Variants in KMT2D observed in about 807,000 individuals in gnomAD.
KMT2D encodes the protein histone-lysine N-methyltransferase 2D.
KMT2D carries 55 observed loss-of-function variants against 512.7 expected under a neutral mutation model. That is an observed-to-expected ratio of 0.11 (90% confidence interval 0.09 to 0.13). The LOEUF is 0.13. KMT2D is among the 10% of genes least tolerant of loss of function. KMT2D has a pLI of 1.00. For missense variants in KMT2D, 6,061 were observed against 7,127.9 expected, an observed-to-expected ratio of 0.85 and a Z score of 5.39; for synonymous variants, 2,995 against 2,904.0, an observed-to-expected ratio of 1.03 and a Z score of -1.01.
rs768388626 is a variant in KMT2D at position 49,019,196 on chromosome 12, G to A, written c.*2584C>T. On this transcript the variant is annotated 3_prime_UTR_variant, in exon 55 of 55. Coordinates refer to ENST00000301067, the MANE Select transcript of KMT2D (RefSeq NM_003482.4). ...GTTGTTACGAAGGACCAACCTTGCT[G>A]TACAGGATACACACAACACAAAATA... 1.0e-5 allele frequency: 11 copies of A among 1,071,112 alleles called. No individual in the cohort carries two copies. The highest frequency in any genetic ancestry group is 1.3e-5 in the Non-Finnish European group (11 of 869,130). The allele number at this position is 1,071,112 out of a possible 1,614,324, so 66.4% of individuals were successfully genotyped here.
chr12:49,030,307 C>T lies in KMT2D; in HGVS notation c.13972G>A (p.Ala4658Thr), dbSNP rs1268771491. ...LGEHPKDAAS[A>T]RDSERALRDT... ...CTCAGTGCCCTTTCACTATCCCGGG[C>T]AGAGGCAGCATCCTTGGGGTGCTCC... Residue 4658 changes from alanine (A) to threonine (T), a missense_variant, in exon 43 of 55, where the codon GCC becomes ACC. Ala to Thr is a moderately conservative substitution (Grantham distance 58, BLOSUM62 0). This residue lies in a region of KMT2D where 1,600 missense variants were observed against 1,754.9 expected (regional missense o/e 0.91). Coordinates refer to ENST00000301067, the MANE Select transcript of KMT2D (RefSeq NM_003482.4). 1 of 1,603,164 alleles carries T rather than the reference C, an allele frequency of 6.2e-7. No homozygotes were observed.
Position 49,051,711 on chromosome 12 carries a change from C to T in KMT2D, c.1972G>A (p.Val658Met), listed in dbSNP as rs2120675153. ...PEVSRLSPLP[V>M]VSRLSPPPEE... ...GGCGGTGGAGACAGGCGTGACACCA[C>T]AGGCAGGGGGGATAGGCGCGATACC... Residue 658 changes from valine (V) to methionine (M), a missense_variant, in exon 11 of 55, where the codon GTG becomes ATG. Physicochemically the swap from Val to Met is conservative, Grantham distance 21. Around this residue, in one of 16 missense-constraint regions of KMT2D, gnomAD observed 848 missense variants for 838.5 expected, o/e 1.01. Coordinates refer to ENST00000301067, the MANE Select transcript of KMT2D (RefSeq NM_003482.4). The T allele has an allele frequency of 6.3e-7, 1 of 1,579,858 alleles. No individual in the cohort carries two copies. The highest frequency in any genetic ancestry group is 8.6e-7 in the Non-Finnish European group (1 of 1,161,740).
At position 49,033,260 on chromosome 12, in the gene KMT2D, A is replaced by C; in HGVS notation, c.11445T>G (p.Pro3815=). ...GAGGGCCCTGGGGGCCCAAAGCTCC[A>C]GGGTGCTGCTGCTGCAACACAGCCA... ...AQVAVLQQQH[P]GALGPQGPHR... Residue 3815 remains proline, a synonymous_variant, in exon 40 of 55, where the codon CCT becomes CCG. Transcript: ENST00000301067. 1 of 1,560,150 alleles carries C rather than the reference A, an allele frequency of 6.4e-7. No homozygotes were observed. The highest frequency in any genetic ancestry group is 1.2e-5 in the South Asian group (1 of 84,584).
chr12:49,058,270 G>A (rs752589843), intron 1 of KMT2D, among the ~76,000 whole-genome samples: 3 of 152,276 alleles, frequency 2.0e-5, no homozygotes, highest in South Asian at 2.1e-4. Context: ...AAGTTGTTTC[G>A]GGACAAACGG....
In KMT2D at chr12:49,030,264, T is replaced by C; in HGVS notation, c.13999+16A>G. On this transcript the variant is annotated intron_variant, in intron 43 of 54. Coordinates refer to ENST00000301067, the MANE Select transcript of KMT2D (RefSeq NM_003482.4). ...CTACCAAACTCCACCAGGGGTGGCA[T>C]CTGCTCTTGACTTACCCCTCAGTGC... 6.3e-7 allele frequency: 1 copy of C among 1,587,306 alleles called. No individual in the cohort carries two copies. Among genetic ancestry groups the C allele is most frequent in the South Asian group, 1.1e-5 (1 of 87,656 alleles).
At position 49,024,700 on chromosome 12, in the gene KMT2D, C is replaced by T. The variant is rs1942488436; in HGVS notation, c.15930G>A (p.Gly5310=). The change falls in exon 51 of 55, where the codon GGG becomes GGA. Residue 5310 remains glycine, a synonymous_variant. Transcript: ENST00000301067. The surrounding 1 kb of genome is among the most constrained non-coding windows in gnomAD (Gnocchi z 4.5). ...ATAAATAGTTTTGACAGCTCTCCAC[C>T]CCGGGCAGCTGTGGGCACAGTTCAT... ...AVLRIAESLP[G]VESCQNYLFR... is the part of the protein sequence containing the mutation. The T allele has an allele frequency of 6.2e-7, 1 of 1,613,550 alleles. No individual in the cohort carries two copies. The highest frequency in any genetic ancestry group is 8.5e-7 in the Non-Finnish European group (1 of 1,179,664).
rs2120511513 is a variant in KMT2D, at chr12:49,039,456, C to T, written c.8208G>A (p.Gln2736=). Residue 2736 remains glutamine (Q), a synonymous_variant, in exon 33 of 55, where the codon CAG becomes CAA. Coordinates refer to ENST00000301067, the MANE Select transcript of KMT2D (RefSeq NM_003482.4). This position sits in a 1 kb window ranked among gnomAD's most constrained non-coding sequence, Gnocchi z 5.0. The stretch of plus-strand genomic sequence containing the variant: ...CTACCTGTGTCCCAGCAAAGGGGGT[C>T]TGGCCTCGACTCAGCTGCTCAAAGG... ...SPAFEQLSRG[Q]TPFAGTQDKS... is the part of the protein sequence containing the mutation. 2 of 1,601,488 alleles carry T rather than the reference C, an allele frequency of 1.2e-6. No homozygotes were observed. The highest frequency in any genetic ancestry group is 1.7e-6 in the Non-Finnish European group (2 of 1,172,394).
rs771212750 is a variant in KMT2D, at chr12:49,033,401, A to G, written c.11304T>C (p.Ala3768=). The change falls in exon 40 of 55, where the codon GCT becomes GCC. Residue 3768 remains alanine, a synonymous_variant. Coordinates refer to ENST00000301067, the MANE Select transcript of KMT2D (RefSeq NM_003482.4). The part of the protein sequence containing the change: ...QQGPGVQTNQ[A]LGPKPQGLMP... ...TAAGGCCCTGGGGCTTGGGACCCAGAGCTTGGTTTGTCTGTACTCCAGGAC... is the reference window on the plus strand; with the variant it reads ...TAAGGCCCTGGGGCTTGGGACCCAGGGCTTGGTTTGTCTGTACTCCAGGAC... 5.7e-6 allele frequency: 9 copies of G among 1,572,568 alleles called. No homozygotes were observed. Among genetic ancestry groups the G allele is most frequent in the South Asian group, 1.2e-5 (1 of 86,808 alleles).
At position 49,024,738 on chromosome 12, in the gene KMT2D, C is replaced by T. The variant is rs772015730; in HGVS notation, c.15922-30G>A. The T allele has an allele frequency of 1.9e-5, 30 of 1,609,902 alleles. No homozygotes were observed. In the South Asian group the frequency reaches 3.3e-4, roughly 18 times the overall value. ...GGGCACAGTTCATACTCACCTTAGCCTGAGTTTTTTTGGGGTTAGGCCAAA... is the reference window on the plus strand; with the variant it reads ...GGGCACAGTTCATACTCACCTTAGCTTGAGTTTTTTTGGGGTTAGGCCAAA... On this transcript the variant is annotated intron_variant, in intron 50 of 54. Transcript: ENST00000301067. The surrounding 1 kb of genome is among the most constrained non-coding windows in gnomAD (Gnocchi z 4.5).
Position 49,042,977 on chromosome 12 carries a change from C to T in KMT2D, c.5644+99G>A, listed in dbSNP as rs551644736. Reference sequence around the variant, plus strand: ...TGGCCAGGAACAGTCCAGGACTCCCCACCAGAGAAGCTGTACAGATCACAG... The same window carrying T: ...TGGCCAGGAACAGTCCAGGACTCCCTACCAGAGAAGCTGTACAGATCACAG... On this transcript the variant is annotated intron_variant, in intron 26 of 54. Coordinates refer to ENST00000301067, the MANE Select transcript of KMT2D (RefSeq NM_003482.4). The surrounding 1 kb of genome is among the most constrained non-coding windows in gnomAD (Gnocchi z 4.4). 2 of 1,570,224 alleles carry T rather than the reference C, an allele frequency of 1.3e-6. No homozygotes were observed. Among genetic ancestry groups the T allele is most frequent in the African/African-American group, 2.7e-5 (2 of 73,886 alleles).
Position 49,032,825 on chromosome 12 carries a change from TTGCTGTTGCTGTTGTAGC to T in KMT2D, c.11862_11879del (p.Leu3955_Gln3960del), listed in dbSNP as rs769825116. On this transcript the variant is annotated inframe_deletion, in exon 40 of 55. Coordinates refer to ENST00000301067, the MANE Select transcript of KMT2D (RefSeq NM_003482.4). The stretch of plus-strand genomic sequence containing the variant: ...GCTGTTGAAACTGCTGCTGTTGTTG[TTGCTGTTGCTGTTGTAGC>T]TGCTGTTGCTGCTGTTGAAGCTGTT... 3.9e-6 allele frequency: 6 copies of T among 1,550,678 alleles called. No homozygotes were observed. Among genetic ancestry groups the T allele is most frequent in the South Asian group, 1.2e-5 (1 of 84,006 alleles).
Position 49,039,230 on chromosome 12 carries a change from C to T in KMT2D, c.8358G>A (p.Val2786=), listed in dbSNP as rs762439535. The T allele has an allele frequency of 6.2e-7, 1 of 1,613,798 alleles. No homozygotes were observed. The highest frequency in any genetic ancestry group is 1.7e-5 in the Admixed American group (1 of 60,030). Residue 2786 remains valine (V), a synonymous_variant, in exon 34 of 55, where the codon GTG becomes GTA. Coordinates refer to ENST00000301067, the MANE Select transcript of KMT2D (RefSeq NM_003482.4). This position sits in a 1 kb window ranked among gnomAD's most constrained non-coding sequence, Gnocchi z 5.0. ...PPPATPSSMD[V]NSRQLVGGSQ... ...ACCTCCTGGAGCCTCACCGGCTGTT[C>T]ACATCCATAGAGGAAGGCGTGGCTG...
Position 49,031,603 on chromosome 12 carries a change from T to C in KMT2D, c.13102A>G (p.Thr4368Ala), listed in dbSNP as rs189357192. The C allele has an allele frequency of 4.5e-4, 714 of 1,599,362 alleles. No homozygotes were observed. In the African/African-American group the frequency reaches 8.4e-3, roughly 19 times the overall value. ...GGTCCCAGACCCTTGCTAAACAAGG[T>C]ATCTGCAAGCTGGGCAGCAGCAGGT... is the stretch of plus-strand genomic sequence containing the variant. ...VSPAAAQLAD[T>A]LFSKGLGPWD... Residue 4368 changes from threonine (T) to alanine (A), a missense_variant, in exon 40 of 55, where the codon ACC becomes GCC. Physicochemically the swap from Thr to Ala is moderately conservative, Grantham distance 58 (BLOSUM62 0). Around this residue, in one of 16 missense-constraint regions of KMT2D, gnomAD observed 1,600 missense variants for 1,754.9 expected, o/e 0.91. Transcript: ENST00000301067.
rs777903880 is a variant in KMT2D at position 49,040,962 on chromosome 12, C to G, written c.6808G>C (p.Glu2270Gln). The G allele has an allele frequency of 6.2e-7, 1 of 1,610,558 alleles. No individual in the cohort carries two copies. Among genetic ancestry groups the G allele is most frequent in the Non-Finnish European group, 8.5e-7 (1 of 1,178,062 alleles). The change falls in exon 32 of 55, where the codon GAG becomes CAG. Residue 2270 changes from glutamate (E) to glutamine (Q), a missense_variant. By Grantham distance (29) the Glu-to-Gln change is conservative. Coordinates refer to ENST00000301067, the MANE Select transcript of KMT2D (RefSeq NM_003482.4). ...AAAGGTGGGGGCGAGAGCAGGGGCT[C>G]GGAAGCTTTGCCTCCCCCTACCCCA... ...SPGVGGGKASEPLLSPPPFGE... is the reference protein window; with the variant it reads ...SPGVGGGKASQPLLSPPPFGE...
Position 49,031,315 on chromosome 12 carries a change from G to T in KMT2D, c.13390C>A (p.Gln4464Lys), listed in dbSNP as rs1283072905. 6.2e-6 allele frequency: 10 copies of T among 1,613,590 alleles called. No homozygotes were observed. The highest frequency in any genetic ancestry group is 8.5e-6 in the Non-Finnish European group (10 of 1,179,900). The change falls in exon 40 of 55, where the codon CAG (glutamine) becomes AAG (lysine). Residue 4464 changes from glutamine (Q) to lysine (K), a missense_variant. Gln to Lys is a moderately conservative substitution (Grantham distance 53, BLOSUM62 1). Coordinates refer to ENST00000301067, the MANE Select transcript of KMT2D (RefSeq NM_003482.4). Reference protein sequence around the residue: ...PRSEAGHLLLQKLLRAKNVQL... With the variant: ...PRSEAGHLLLKKLLRAKNVQL... ...ACATTCTTTGCCCGGAGTAGCTTCT[G>T]CAAGAGCAGATGCCCAGCTTCTGAG...
intron 51 of KMT2D, chr12:49,023,926 A>C (rs1305145965): frequency 2.7e-6 from 1 of 375,962 alleles, no homozygotes; most frequent in Non-Finnish European, 5.2e-6. Flanking sequence ...CACAGAAAGA[A>C]CAAGGACCTG....
intron 35 of KMT2D, among the ~76,000 whole-genome samples, chr12:49,036,602 C>G (rs1943231978): frequency 6.6e-6 from 1 of 151,564 alleles, no homozygotes; most frequent in African/African-American, 2.4e-5. Context: ...AACTCTCCTG[C>G]CTCAGCCTCC....
Position 49,046,400 on chromosome 12 carries a change from C to T in KMT2D, c.4443G>A (p.Gly1481=), listed in dbSNP as rs1313369082. Residue 1481 remains glycine, a synonymous_variant, in exon 17 of 55, where the codon GGG becomes GGA. Coordinates refer to ENST00000301067, the MANE Select transcript of KMT2D (RefSeq NM_003482.4). This position sits in a 1 kb window ranked among gnomAD's most constrained non-coding sequence, Gnocchi z 4.2. ...CKWCVSCMQC[G]AASPGFHCEW... ...CACAGTGGAAGCCAGGGGAAGCAGC[C>T]CCACACTGCATACAGGACACACACC... 1 of 1,613,916 alleles carries T rather than the reference C, an allele frequency of 6.2e-7. No individual in the cohort carries two copies. The highest frequency in any genetic ancestry group is 8.5e-7 in the Non-Finnish European group (1 of 1,179,882).
intron 38 of KMT2D, 45 bp downstream of exon 38, chr12:49,034,365 A>C (rs750840594): frequency 7.4e-6 from 12 of 1,611,714 alleles, no homozygotes; most frequent in Admixed American, 3.3e-5. Context: ...CCTCCATATG[A>C]CCCAAACCAC....
Sources: gnomAD v4.1 joint callset for allele counts (sites outside exome capture counted in the v4.1 genomes callset) on GRCh38, gnomAD v4.1.1 for gene constraint, gnomAD v4.1.1 regional missense constraint, Gnocchi (gnomAD v3.1) non-coding constraint, MANE v1.5 for transcripts, NCBI Gene and HGNC (gene_info 2026-07-23, HGNC 2026-07-21) for gene names.